WRAP73: variants seen among roughly 807,000 people sequenced by gnomAD.
WRAP73 encodes WD repeat-containing protein WRAP73.
In WRAP73, 55 loss-of-function variants were observed where a neutral mutation model predicts 59.6. That is an observed-to-expected ratio of 0.92 (90% CI 0.74 to 1.15). WRAP73 has a LOEUF of 1.15. WRAP73 is among the 50% of genes most tolerant of loss of function. The pLI is 0.00. For missense variants in WRAP73, 592 were observed against 608.1 expected (o/e 0.97, Z 0.28); for synonymous variants, 265 against 258.2 (o/e 1.03, Z -0.25).
Position 3,631,011 on chromosome 1 carries a change from G to C in WRAP73, c.1347C>G (p.Val449=). Residue 449 remains valine, a synonymous_variant, in exon 12 of 12, where the codon GTC becomes GTG. Coordinates refer to ENST00000270708, the MANE Select transcript of WRAP73 (RefSeq NM_017818.4). ...CLCFLETEAV[V]GTACRQLGGH... ...CGCCCAGCTGTCTGCAGGCTGTGCC[G>C]ACCACTGCCTCTGTCTCCAGGAAGC... 5 of 1,612,820 alleles carry C rather than the reference G, an allele frequency of 3.1e-6. No homozygotes were observed. Among genetic ancestry groups the C allele is most frequent in the Non-Finnish European group, 4.2e-6 (5 of 1,179,856 alleles).
intron 9 of WRAP73, 136 bp from the exon 10 acceptor site, chr1:3,632,474 G>T: frequency 7.1e-7 from 1 of 1,418,004 alleles, no homozygotes; most frequent in Non-Finnish European, 9.8e-7. Flanking sequence ...GCGGCCCAAG[G>T]GCAGGAAGAG....
chr1:3,639,903 G>C lies in WRAP73; in HGVS notation c.340-1081C>G, dbSNP rs547438181. On this transcript the variant is annotated intron_variant, in intron 3 of 11. Transcript: ENST00000270708. The surrounding 1 kb of genome is among the most constrained non-coding windows in gnomAD (Gnocchi z 4.3). ...GGGGTGGGGGACCGTCTCCAGCAGC[G>C]TAAGTGGGGCCGCAGCGTGTGGGGC... Among the ~76,000 whole-genome samples, 1 of 152,298 alleles carries C rather than the reference G, an allele frequency of 6.6e-6. No homozygotes were observed. Among genetic ancestry groups the C allele is most frequent in the South Asian group, 2.1e-4 (1 of 4,826 alleles).
rs917396308 is a variant in WRAP73 at position 3,635,807 on chromosome 1, C to CAAG, written c.603+134_603+136dup. On this transcript the variant is annotated intron_variant, in intron 6 of 11. Coordinates refer to ENST00000270708, the MANE Select transcript of WRAP73 (RefSeq NM_017818.4). ...CTGCACTCCAGCCTGGGTGACAGAG[C>CAAG]AAGACCCTGTCTTTTAAAACAAAGC... is the stretch of plus-strand genomic sequence containing the variant. 3.2e-5 allele frequency: 24 copies of CAAG among 761,364 alleles called. 1 individual carries two copies. In the African/African-American group the frequency reaches 3.5e-4, roughly 11 times the overall value. The allele number at this position is 761,364 out of a possible 1,614,324, so 47.2% of individuals were successfully genotyped here. A position where few individuals can be genotyped will look rare whatever the true frequency, so the allele number is the denominator to read the frequency against.
chr1:3,632,732 C>T (rs892938639), intron 9 of WRAP73: 3 of 291,950 alleles, frequency 1.0e-5, no homozygotes, highest in South Asian at 3.1e-5. Flanking sequence ...TTAGACTTTC[C>T]GGCTGTGGAA....
In WRAP73 at chr1:3,635,070, C is replaced by A. The variant is rs1228635231; in HGVS notation, c.743G>T (p.Arg248Leu). The A allele has an allele frequency of 6.2e-7, 1 of 1,614,188 alleles. No individual in the cohort carries two copies. Reference sequence around the variant, plus strand: ...TTTCCAAGTCACGTGATTAAGGATGCGCACCTGAGGAAGGAAACCATGCAC... The same window carrying A: ...TTTCCAAGTCACGTGATTAAGGATGAGCACCTGAGGAAGGAAACCATGCAC... Reference protein sequence around the residue: ...LAVGSYDGKVRILNHVTWKMI... With the variant: ...LAVGSYDGKVLILNHVTWKMI... Residue 248 changes from arginine (R) to leucine (L), a missense_variant, in exon 8 of 12, where the codon CGC becomes CTC. Coordinates refer to ENST00000270708, the MANE Select transcript of WRAP73 (RefSeq NM_017818.4).
Position 3,637,053 on chromosome 1 carries a change from CG to C in WRAP73, c.457del (p.Arg153GlyfsTer8). The C allele has an allele frequency of 6.2e-7, 1 of 1,613,418 alleles. No homozygotes were observed. Among genetic ancestry groups the C allele is most frequent in the Non-Finnish European group, 8.5e-7 (1 of 1,179,972 alleles). ...GCTCACGTAATCTTTGCAGTCGCGC[CG>C]TTCTGCCAGCGCCATGTAGCGGCCG... Reference protein sequence around the residue: ...RDGRYMALAERRDCKDYVSIF... With the variant: ...RDGRYMALAEXRDCKDYVSIF... On this transcript the variant is annotated frameshift_variant, in exon 5 of 12. Transcript: ENST00000270708. LOFTEE classifies it high-confidence loss of function.
At chr1:3,647,330 A>G in intron 2 of WRAP73, 78 bp downstream of exon 2, 1 of 1,410,304 alleles carries the variant, frequency 7.1e-7, no homozygotes, top group African/African-American at 1.5e-5. Flanking sequence ...TTCAAACTAG[A>G]AAGGCACAGA....
Position 3,646,327 on chromosome 1 carries a change from TG to T in WRAP73, c.339+338del, listed in dbSNP as rs1378475765. On this transcript the variant is annotated intron_variant, in intron 3 of 11. Coordinates refer to ENST00000270708, the MANE Select transcript of WRAP73 (RefSeq NM_017818.4). The surrounding 1 kb of genome is among the most constrained non-coding windows in gnomAD (Gnocchi z 5.1). ...CGCAACAAGGAAAGAAAAAATCCTA[TG>T]CTGAGGTTGTTGCTCAGATCTTCAG... Among the ~76,000 whole-genome samples the T allele has an allele frequency of 6.6e-6, 1 of 152,254 alleles. No homozygotes were observed. The highest frequency in any genetic ancestry group is 1.5e-5 in the Non-Finnish European group (1 of 68,046).
chr1:3,633,317 AG>A, intron 9 of WRAP73, 80 bp downstream of exon 9: 2 of 1,350,442 alleles, frequency 1.5e-6, no homozygotes, highest in Non-Finnish European at 2.1e-6. Context: ...TTTAAACATA[AG>A]GAACATCCGA....
At chr1:3,647,656 T>A in intron 1 of WRAP73, 96 bp from the exon 2 acceptor site, 1 of 1,374,814 alleles carries the variant, frequency 7.3e-7, no homozygotes, top group Middle Eastern at 1.9e-4. Flanking sequence ...GACTGTGGCC[T>A]TCTCTCCTGC....
chr1:3,641,183 A>G (rs1644640901), intron 3 of WRAP73, among the ~76,000 whole-genome samples: 1 of 152,178 alleles, frequency 6.6e-6, no homozygotes, highest in Non-Finnish European at 1.5e-5. Flanking sequence ...AGAGGGATCC[A>G]CATGACCCAG....
At chr1:3,631,708 T>C in intron 10 of WRAP73, 51 bp from the exon 11 acceptor site, 1 of 1,548,886 alleles carries the variant, frequency 6.5e-7, no homozygotes, top group Non-Finnish European at 8.7e-7. Flanking sequence ...GGCTCCTCTG[T>C]GTTGGCCCTG....
chr1:3,645,361 G>A (rs1372567833), intron 3 of WRAP73, among the ~76,000 whole-genome samples: 1 of 102,710 alleles, frequency 9.7e-6, no homozygotes, highest in African/African-American at 2.9e-5. Flanking sequence ...CGGGATGGGC[G>A]GGTTGCCCCG....
In WRAP73 at chr1:3,630,896, A is replaced by C; in HGVS notation, c.*79T>G. 1 of 1,535,672 alleles carries C rather than the reference A, an allele frequency of 6.5e-7. No homozygotes were observed. The highest frequency in any genetic ancestry group is 8.8e-7 in the Non-Finnish European group (1 of 1,136,782). ...TGAATCCAGACCACCACAGTGGAGA[A>C]CCTCCTGGTGAAGCTGTGTTTTTTC... On this transcript the variant is annotated 3_prime_UTR_variant, in exon 12 of 12. Transcript: ENST00000270708.
intron 2 of WRAP73, 51 bp downstream of exon 2, chr1:3,647,357 C>A: frequency 6.5e-7 from 1 of 1,545,332 alleles, no homozygotes. Flanking sequence ...CCCCTCCTTC[C>A]CAGGGGCCCT....
At chr1:3,632,505 G>A (rs1045151268) in intron 9 of WRAP73, 167 bp from the exon 10 acceptor site, 14 of 1,057,822 alleles carry the variant, frequency 1.3e-5, no homozygotes, top group South Asian at 8.9e-5. Flanking sequence ...CCTGGCAGCC[G>A]CAGCGAGGGG....
chr1:3,642,383 G>C (rs1644654409), intron 3 of WRAP73, among the ~76,000 whole-genome samples: 1 of 152,206 alleles, frequency 6.6e-6, no homozygotes, highest in Non-Finnish European at 1.5e-5. Context: ...AACCAGAAGT[G>C]ATCCTGCAGG....
Position 3,639,100 on chromosome 1 carries a change from C to T in WRAP73, c.340-278G>A. The T allele has an allele frequency of 2.3e-6, 1 of 443,166 alleles. No homozygotes were observed. The allele number at this position is 443,166 out of a possible 1,614,324, so 27.5% of individuals were successfully genotyped here. A position where few individuals can be genotyped will look rare whatever the true frequency, so the allele number is the denominator to read the frequency against. Reference sequence around the variant, plus strand: ...CCAAGTGCTTTTTCATTAGCTTTTTCAAAGTGACCATAGGTTGCATGTTAT... The same window carrying T: ...CCAAGTGCTTTTTCATTAGCTTTTTTAAAGTGACCATAGGTTGCATGTTAT... On this transcript the variant is annotated intron_variant, in intron 3 of 11. Transcript: ENST00000270708. The surrounding 1 kb of genome is among the most constrained non-coding windows in gnomAD (Gnocchi z 4.3).
rs1327108719 is a variant in WRAP73 at position 3,646,603 on chromosome 1, G to C, written c.339+63C>G. The stretch of plus-strand genomic sequence containing the variant: ...AACACACCCCCTCTCGCACTCCCCA[G>C]CTGTTTCGAGAGCAGAGGACAGGAT... On this transcript the variant is annotated intron_variant, in intron 3 of 11. Coordinates refer to ENST00000270708, the MANE Select transcript of WRAP73 (RefSeq NM_017818.4). The surrounding 1 kb of genome is among the most constrained non-coding windows in gnomAD (Gnocchi z 5.1). 1.4e-6 allele frequency: 2 copies of C among 1,409,864 alleles called. No homozygotes were observed. Among genetic ancestry groups the C allele is most frequent in the Non-Finnish European group, 2.0e-6 (2 of 1,019,796 alleles). 87.3% of individuals were successfully genotyped at this position (1,409,864 alleles called of 1,614,324 possible).
Sources: allele counts gnomAD v4.1 joint callset (sites outside exome capture counted in the v4.1 genomes callset), GRCh38; gene constraint gnomAD v4.1.1; non-coding constraint Gnocchi (gnomAD v3.1); transcripts MANE v1.5; gene names NCBI Gene and HGNC (gene_info 2026-07-23, HGNC 2026-07-21).